OR2C3: variants seen among roughly 807,000 people sequenced by gnomAD.
OR2C3 encodes olfactory receptor 2C3.
For synonymous variants in OR2C3, 178 were observed against 163.4 expected, an observed-to-expected ratio of 1.09 and a Z score of -0.68; for missense variants, 425 against 401.5, an observed-to-expected ratio of 1.06 and a Z score of -0.50.
rs987113074 is a variant in OR2C3, at chr1:247,528,062, C to T, written c.*3487G>A. On this transcript the variant is annotated 3_prime_UTR_variant, in exon 3 of 3. Transcript: ENST00000641802. ...TTTCCCCCATTTGTTTCTGTTTCTT[C>T]GGTCTTTGGGTTCTAAACTGAGTAA... The T allele has an allele frequency of 3.3e-5, 5 of 152,102 alleles. No individual in the cohort carries two copies. The highest frequency in any genetic ancestry group is 4.1e-4 in the South Asian group (2 of 4,822). The allele number at this position is 152,102 out of a possible 1,614,324, so 9.4% of individuals were successfully genotyped here.
At position 247,530,040 on chromosome 1, in the gene OR2C3, T is replaced by G. The variant is rs1055525180; in HGVS notation, c.*1509A>C. 6 of 150,732 alleles carry G rather than the reference T, an allele frequency of 4.0e-5. No individual in the cohort carries two copies. The highest frequency in any genetic ancestry group is 1.3e-4 in the Admixed American group (2 of 15,132). 9.3% of individuals were successfully genotyped at this position (150,732 alleles called of 1,614,324 possible). A position where few individuals can be genotyped will look rare whatever the true frequency, so the allele number is the denominator to read the frequency against. On this transcript the variant is annotated 3_prime_UTR_variant, in exon 3 of 3. Transcript: ENST00000641802. ...TTTTTTCTCTCTCTCCCCCTCAGGG[T>G]GTGTGTGTGTGTGTGTATTCTCTTT...
In OR2C3 at chr1:247,527,209, C is replaced by A; in HGVS notation, c.*4340G>T. 1 of 394,664 alleles carries A rather than the reference C, an allele frequency of 2.5e-6. No homozygotes were observed. Among genetic ancestry groups the A allele is most frequent in the Non-Finnish European group, 5.0e-6 (1 of 198,086 alleles). 24.4% of individuals were successfully genotyped at this position (394,664 alleles called of 1,614,324 possible). A position where few individuals can be genotyped will look rare whatever the true frequency, so the allele number is the denominator to read the frequency against. On this transcript the variant is annotated 3_prime_UTR_variant, in exon 3 of 3. Coordinates refer to ENST00000641802, the MANE Select transcript of OR2C3 (RefSeq NM_198074.6). This position sits in a 1 kb window ranked among gnomAD's most constrained non-coding sequence, Gnocchi z 4.6. ...GAGTGTGAGTTATGGTCATCATTCT[C>A]CTCTGTGCCAAACAGGGGCTGATGG...
At position 247,530,180 on chromosome 1, in the gene OR2C3, T is replaced by C. The variant is rs1666862455; in HGVS notation, c.*1369A>G. ...TGACTACTTTCATATTATATACATA[T>C]ATATAATAAAATCAAAAACAGGAAC... On this transcript the variant is annotated 3_prime_UTR_variant, in exon 3 of 3. Coordinates refer to ENST00000641802, the MANE Select transcript of OR2C3 (RefSeq NM_198074.6). The C allele has an allele frequency of 6.6e-6, 1 of 152,120 alleles. No homozygotes were observed. The highest frequency in any genetic ancestry group is 1.5e-5 in the Non-Finnish European group (1 of 68,020). 9.4% of individuals were successfully genotyped at this position (152,120 alleles called of 1,614,324 possible).
Position 247,531,846 on chromosome 1 carries a change from A to G in OR2C3, c.666T>C (p.Ile222=), listed in dbSNP as rs1308150803. The G allele has an allele frequency of 9.3e-6, 15 of 1,614,182 alleles. No homozygotes were observed. The highest frequency in any genetic ancestry group is 1.2e-5 in the Non-Finnish European group (14 of 1,180,028). ...ACCTGATCTTCAACACGGCCCGGGC[A>G]ATGTGGCCGTAAGAGACCAGGATGA... ...LGLILVSYGH[I]ARAVLKIRSA... The change falls in exon 3 of 3, where the codon ATT becomes ATC. Residue 222 remains isoleucine, a synonymous_variant. Transcript: ENST00000641802.
Position 247,531,571 on chromosome 1 carries a change from G to A in OR2C3, c.941C>T (p.Ala314Val), listed in dbSNP as rs369294019. 4 of 1,613,664 alleles carry A rather than the reference G, an allele frequency of 2.5e-6. No individual in the cohort carries two copies. The African/African-American group carries it at 5.3e-5, about 22-fold the overall frequency. ...HMVLENCCGSAGKLAQI is the reference protein window; with the variant it reads ...HMVLENCCGSVGKLAQI ...TCTCTAAATTTGCGCCAGCTTGCCT[G>A]CAGAGCCACAGCAGTTCTCTAATAC... Residue 314 changes from alanine (A) to valine (V), a missense_variant, in exon 3 of 3, where the codon GCA (alanine) becomes GTA (valine). Ala to Val is a moderately conservative substitution (Grantham distance 64). Coordinates refer to ENST00000641802, the MANE Select transcript of OR2C3 (RefSeq NM_198074.6).
intron 1 of OR2C3, among the ~76,000 whole-genome samples, chr1:247,535,277 T>C (rs2103012516): frequency 6.6e-6 from 1 of 152,248 alleles, no homozygotes; most frequent in Admixed American, 6.5e-5. Context: ...ATTGTGCTAC[T>C]GCACTCCAGC....
rs1408145271 is a variant in OR2C3 at position 247,531,562 on chromosome 1, A to AGCTT, written c.946_949dup (p.Leu317GlnfsTer308). The AGCTT allele has an allele frequency of 6.2e-7, 1 of 1,613,496 alleles. No individual in the cohort carries two copies. The highest frequency in any genetic ancestry group is 1.1e-5 in the South Asian group (1 of 91,058). On this transcript the variant is annotated frameshift_variant, in exon 3 of 3. Transcript: ENST00000641802. LOFTEE classifies it high-confidence loss of function. ...GCACTGGAGTCTCTAAATTTGCGCC[A>AGCTT]GCTTGCCTGCAGAGCCACAGCAGTT...
In OR2C3 at chr1:247,531,435, C is replaced by T; in HGVS notation, c.*114G>A. 1 of 1,028,532 alleles carries T rather than the reference C, an allele frequency of 9.7e-7. No homozygotes were observed. 63.7% of individuals were successfully genotyped at this position (1,028,532 alleles called of 1,614,324 possible). ...GAGCACACTCCTTTCAGATTTCCAT[C>T]TACCTTGAGCTCAAACAATATTAGA... On this transcript the variant is annotated 3_prime_UTR_variant, in exon 3 of 3. Transcript: ENST00000641802.
At chr1:247,534,368 A>G (rs540837718) in intron 1 of OR2C3, among the ~76,000 whole-genome samples, 9 of 152,294 alleles carry the variant, frequency 5.9e-5, no homozygotes, top group Admixed American at 5.9e-4. Flanking sequence ...GGGGTGGAAG[A>G]GGCAGGACTA....
At position 247,528,165 on chromosome 1, in the gene OR2C3, GCT is replaced by G. The variant is rs1316553153; in HGVS notation, c.*3382_*3383del. ...TGTGTCTCTGACTCCTAGAGTACCT[GCT>G]GTCTGCTTTTTTACTTCCCCTTCCC... On this transcript the variant is annotated 3_prime_UTR_variant, in exon 3 of 3. Transcript: ENST00000641802. The G allele has an allele frequency of 1.3e-5, 2 of 151,708 alleles. No individual in the cohort carries two copies. Among genetic ancestry groups the G allele is most frequent in the Non-Finnish European group, 2.9e-5 (2 of 67,952 alleles). 9.4% of individuals were successfully genotyped at this position (151,708 alleles called of 1,614,324 possible).
rs1337646163 is a variant in OR2C3 at position 247,527,084 on chromosome 1, T to C, written c.*4465A>G. On this transcript the variant is annotated 3_prime_UTR_variant, in exon 3 of 3. Transcript: ENST00000641802. The surrounding 1 kb of genome is among the most constrained non-coding windows in gnomAD (Gnocchi z 4.6). ...AAATCACATTTCAAGTGTATTTCCT[T>C]GGGTTCTGGAGAGGATGTCTTCATT... 1 of 456,524 alleles carries C rather than the reference T, an allele frequency of 2.2e-6. No homozygotes were observed. Among genetic ancestry groups the C allele is most frequent in the Non-Finnish European group, 4.4e-6 (1 of 226,950 alleles). The allele number at this position is 456,524 out of a possible 1,614,324, so 28.3% of individuals were successfully genotyped here.
Position 247,531,446 on chromosome 1 carries a change from TCAAA to T in OR2C3, c.*99_*102del, listed in dbSNP as rs1666946875. 8.4e-7 allele frequency: 1 copy of T among 1,185,352 alleles called. No homozygotes were observed. The highest frequency in any genetic ancestry group is 1.5e-5 in the African/African-American group (1 of 65,554). 73.4% of individuals were successfully genotyped at this position (1,185,352 alleles called of 1,614,324 possible). ...TTTCAGATTTCCATCTACCTTGAGC[TCAAA>T]CAATATTAGAAGAAAAACGACATCC... On this transcript the variant is annotated 3_prime_UTR_variant, in exon 3 of 3. Coordinates refer to ENST00000641802, the MANE Select transcript of OR2C3 (RefSeq NM_198074.6).
rs1031944613 is a variant in OR2C3 at position 247,531,143 on chromosome 1, G to A, written c.*406C>T. The A allele has an allele frequency of 1.5e-5, 3 of 197,586 alleles. No individual in the cohort carries two copies. The highest frequency in any genetic ancestry group is 3.1e-5 in the Non-Finnish European group (3 of 96,052). The allele number at this position is 197,586 out of a possible 1,614,324, so 12.2% of individuals were successfully genotyped here. On this transcript the variant is annotated 3_prime_UTR_variant, in exon 3 of 3. Coordinates refer to ENST00000641802, the MANE Select transcript of OR2C3 (RefSeq NM_198074.6). ...CAGCTCACCCCAGGCGCAGGCCTGA[G>A]GGCTGGGAGGGCTCCGGGGGCTCTG...
Position 247,531,674 on chromosome 1 carries a change from T to C in OR2C3, c.838A>G (p.Thr280Ala), listed in dbSNP as rs768186443. The change falls in exon 3 of 3, where the codon ACC becomes GCC. Residue 280 changes from threonine (T) to alanine (A), a missense_variant. Thr to Ala is a moderately conservative substitution (Grantham distance 58). Coordinates refer to ENST00000641802, the MANE Select transcript of OR2C3 (RefSeq NM_198074.6). ...GGGTTCAGCGCAGGAGTGACTACGG[T>C]GTAGAACAGAGCTATGAACTTGCCC... Reference protein sequence around the residue: ...EQGKFIALFYTVVTPALNPLI... With the variant: ...EQGKFIALFYAVVTPALNPLI... 2 of 1,614,148 alleles carry C rather than the reference T, an allele frequency of 1.2e-6. No individual in the cohort carries two copies. The highest frequency in any genetic ancestry group is 1.7e-6 in the Non-Finnish European group (2 of 1,180,022).
At position 247,528,184 on chromosome 1, in the gene OR2C3, C is replaced by T. The variant is rs1384050393; in HGVS notation, c.*3365G>A. The stretch of plus-strand genomic sequence containing the variant: ...GTACCTGCTGTCTGCTTTTTTACTT[C>T]CCCTTCCCCCACCCCCAAGCCCCCA... On this transcript the variant is annotated 3_prime_UTR_variant, in exon 3 of 3. Coordinates refer to ENST00000641802, the MANE Select transcript of OR2C3 (RefSeq NM_198074.6). 2 of 150,560 alleles carry T rather than the reference C, an allele frequency of 1.3e-5. No individual in the cohort carries two copies. Among genetic ancestry groups the T allele is most frequent in the African/African-American group, 4.9e-5 (2 of 40,958 alleles). The allele number at this position is 150,560 out of a possible 1,614,324, so 9.3% of individuals were successfully genotyped here. A position where few individuals can be genotyped will look rare whatever the true frequency, so the allele number is the denominator to read the frequency against.
rs1666659765 is a variant in OR2C3, at chr1:247,525,827, C to T, written c.*5722G>A. On this transcript the variant is annotated 3_prime_UTR_variant, in exon 3 of 3. Coordinates refer to ENST00000641802, the MANE Select transcript of OR2C3 (RefSeq NM_198074.6). Reference sequence around the variant, plus strand: ...CTGCCTTGGTCTTTCAGGTGCCCAGCTCCCATCCTGAAGCTACGTAGGGAC... The same window carrying T: ...CTGCCTTGGTCTTTCAGGTGCCCAGTTCCCATCCTGAAGCTACGTAGGGAC... 2.0e-5 allele frequency: 3 copies of T among 152,220 alleles called. No individual in the cohort carries two copies. The highest frequency in any genetic ancestry group is 6.5e-5 in the Admixed American group (1 of 15,286). The allele number at this position is 152,220 out of a possible 1,614,324, so 9.4% of individuals were successfully genotyped here. A position where few individuals can be genotyped will look rare whatever the true frequency, so the allele number is the denominator to read the frequency against.
At chr1:247,532,652 C>G (rs1326981165) in intron 2 of OR2C3, 112 bp from the exon 3 acceptor site, 5 of 856,394 alleles carry the variant, frequency 5.8e-6, no homozygotes, top group Non-Finnish European at 8.8e-6. Context: ...TTTAGAGACA[C>G]AATTTCACTG....
rs1410999570 is a variant in OR2C3, at chr1:247,531,830, T to A, written c.682A>T (p.Lys228Ter). 1 of 1,613,946 alleles carries A rather than the reference T, an allele frequency of 6.2e-7. No individual in the cohort carries two copies. The highest frequency in any genetic ancestry group is 1.3e-5 in the African/African-American group (1 of 74,872). Reference protein sequence around the residue: ...SYGHIARAVLKIRSAEGRRKA... With the variant: ...SYGHIARAVL Reference sequence around the variant, plus strand: ...CTCCGCCCTTCTGCTGACCTGATCTTCAACACGGCCCGGGCAATGTGGCCG... The same window carrying A: ...CTCCGCCCTTCTGCTGACCTGATCTACAACACGGCCCGGGCAATGTGGCCG... Residue 228 changes from lysine (K) to a stop codon, truncating the protein, a stop_gained, in exon 3 of 3, where the codon AAG becomes TAG. Coordinates refer to ENST00000641802, the MANE Select transcript of OR2C3 (RefSeq NM_198074.6). LOFTEE classifies it low-confidence loss of function (END_TRUNC).
At chr1:247,534,946 A>G (rs941333103) in intron 1 of OR2C3, among the ~76,000 whole-genome samples, 2 of 152,200 alleles carry the variant, frequency 1.3e-5, no homozygotes, top group Admixed American at 1.3e-4. Flanking sequence ...TCTGGCCTGC[A>G]TATAGTAGGC....
Sources: allele counts gnomAD v4.1 joint callset (sites outside exome capture counted in the v4.1 genomes callset), GRCh38; gene constraint gnomAD v4.1.1; non-coding constraint Gnocchi (gnomAD v3.1); transcripts MANE v1.5; gene names NCBI Gene and HGNC (gene_info 2026-07-23, HGNC 2026-07-21).